Variants in ADAMTSL1 observed in about 807,000 individuals in gnomAD.
ADAMTSL1 encodes the protein ADAMTS-like protein 1.
A neutral mutation model predicts 201.8 loss-of-function variants in ADAMTSL1; 126 were observed. That is an observed-to-expected ratio of 0.62 (90% CI 0.54 to 0.72). The LOEUF (loss-of-function observed/expected upper bound fraction) is 0.72. Ranked by LOEUF, ADAMTSL1 falls within the 30% of genes least tolerant of loss-of-function variation. The probability of loss-of-function intolerance (pLI) is 0.00; values close to 1 mark genes in which losing one functional copy is unlikely to be tolerated. For missense variants in ADAMTSL1, 2,679 were observed against 2,277.8 expected, an observed-to-expected ratio of 1.18 and a Z score of -3.59; for synonymous variants, 1,121 against 903.4, an observed-to-expected ratio of 1.24 and a Z score of -4.32.
chr9:18,693,261 A>G (rs544891800), intron 13 of ADAMTSL1, among the ~76,000 whole-genome samples: 25 of 152,290 alleles, frequency 1.6e-4, no homozygotes, highest in African/African-American at 5.8e-4. Flanking sequence ...TATTCTTCAA[A>G]ATGACATTTT....
intron 3 of ADAMTSL1, among the ~76,000 whole-genome samples, chr9:18,563,387 T>C (rs1006386709): frequency 4.6e-5 from 7 of 152,174 alleles, no homozygotes; most frequent in Non-Finnish European, 8.8e-5. Context: ...TCTGGAAGCT[T>C]CATCCCAGAG....
intron 2 of ADAMTSL1, among the ~76,000 whole-genome samples, chr9:18,456,616 C>G (rs1820616438): frequency 6.6e-6 from 1 of 152,152 alleles, no homozygotes; most frequent in Non-Finnish European, 1.5e-5. Context: ...GCCTGGATTT[C>G]TTTTTATTCG....
intron 1 of ADAMTSL1, among the ~76,000 whole-genome samples, chr9:17,907,283 G>A (rs1563887542): frequency 6.6e-6 from 1 of 152,138 alleles, no homozygotes; most frequent in South Asian, 2.1e-4. Context: ...ACAGTCCTTC[G>A]CGGAGCCCCC....
intron 2 of ADAMTSL1, among the ~76,000 whole-genome samples, chr9:18,521,942 T>G (rs1209286879): frequency 2.0e-5 from 3 of 152,188 alleles, no homozygotes; most frequent in African/African-American, 7.2e-5. Context: ...AACCATCTCT[T>G]ATGCACAGAC....
intron 1 of ADAMTSL1, among the ~76,000 whole-genome samples, chr9:18,503,040 C>G (rs1822922851): frequency 6.6e-6 from 1 of 151,962 alleles, no homozygotes; most frequent in Non-Finnish European, 1.5e-5. Flanking sequence ...GTGAAATGTA[C>G]TAACACAAAA....
chr9:18,830,960 T>A (rs1824939548), intron 23 of ADAMTSL1, among the ~76,000 whole-genome samples: 1 of 152,216 alleles, frequency 6.6e-6, no homozygotes, highest in Non-Finnish European at 1.5e-5. Flanking sequence ...AGCTTCTGTA[T>A]TCTTTTACCC....
chr9:18,511,595 A>G (rs904987971), intron 2 of ADAMTSL1, among the ~76,000 whole-genome samples: 5 of 152,140 alleles, frequency 3.3e-5, no homozygotes, highest in African/African-American at 1.2e-4. Flanking sequence ...GAAAAAGTAA[A>G]ATAAATAGCC....
intron 15 of ADAMTSL1, among the ~76,000 whole-genome samples, chr9:18,747,892 G>A (rs1044156028): frequency 6.6e-6 from 1 of 152,150 alleles, no homozygotes; most frequent in Non-Finnish European, 1.5e-5. Context: ...CAATTAGGAA[G>A]CCAAGCTGAA....
intron 1 of ADAMTSL1, among the ~76,000 whole-genome samples, chr9:18,066,501 T>C (rs145805527): frequency 6.6e-6 from 1 of 152,364 alleles, no homozygotes; most frequent in African/African-American, 2.4e-5. Flanking sequence ...TGTGTACCTA[T>C]ATATACAGAA....
chr9:18,758,441 A>G (rs13290431), intron 16 of ADAMTSL1, among the ~76,000 whole-genome samples: 25,702 of 152,198 alleles, frequency 0.17, 2,509 homozygotes, highest in Non-Finnish European at 0.22. Context: ...TCTGGAGATC[A>G]GAAGTCCCAA....
intron 15 of ADAMTSL1, among the ~76,000 whole-genome samples, chr9:18,739,758 A>G (rs1158802018): frequency 6.6e-6 from 1 of 152,202 alleles, no homozygotes; most frequent in Non-Finnish European, 1.5e-5. Flanking sequence ...GCTGTTCCCC[A>G]TATCCTGTGA....
rs28550083 is a variant in ADAMTSL1, at chr9:18,167,066, T to C, written c.207+3085T>C. On this transcript the variant is annotated intron_variant, in intron 2 of 29. Coordinates refer to the ADAMTSL1 transcript ENST00000680146. The stretch of plus-strand genomic sequence containing the variant: ...CAGCAGTCAACTAAACTTCCAGTGA[T>C]TGCCTGAAATTCTGCATGTATATGA... 1.7e-3 allele frequency among the ~76,000 whole-genome samples: 266 copies of C among 152,068 alleles called. 2 individuals are homozygous for C. The highest frequency in any genetic ancestry group is 6.2e-3 in the African/African-American group (258 of 41,536).
chr9:18,049,741 A>G (rs570794848), intron 1 of ADAMTSL1, among the ~76,000 whole-genome samples: 2 of 151,694 alleles, frequency 1.3e-5, no homozygotes, highest in Non-Finnish European at 2.9e-5. Context: ...CTCCCGCCTC[A>G]GCCTCCCAAG....
chr9:18,315,379 ACTC>A (rs1834343877), intron 2 of ADAMTSL1, among the ~76,000 whole-genome samples: 2 of 150,620 alleles, frequency 1.3e-5, no homozygotes, highest in African/African-American at 4.9e-5. Flanking sequence ...AGGCGCCTGT[ACTC>A]CTCAGTGGCG....
At chr9:18,345,057 A>G (rs1207542001) in intron 2 of ADAMTSL1, among the ~76,000 whole-genome samples, 2 of 152,078 alleles carry the variant, frequency 1.3e-5, no homozygotes, top group Non-Finnish European at 2.9e-5. Flanking sequence ...CTGTCCCTGG[A>G]GATTTGGTCT....
At chr9:18,269,346 C>T (rs2132569203) in intron 2 of ADAMTSL1, among the ~76,000 whole-genome samples, 1 of 152,206 alleles carries the variant, frequency 6.6e-6, no homozygotes, top group Admixed American at 6.5e-5. Flanking sequence ...ACATGTATTA[C>T]ATGAAGGAAT....
chr9:18,069,997 G>A (rs1822886412), intron 1 of ADAMTSL1, among the ~76,000 whole-genome samples: 1 of 152,178 alleles, frequency 6.6e-6, no homozygotes, highest in Admixed American at 6.5e-5. Flanking sequence ...TAGGAATTCA[G>A]GTTTAGACAT....
intron 2 of ADAMTSL1, among the ~76,000 whole-genome samples, chr9:18,181,144 A>T (rs1416704085): frequency 6.6e-6 from 1 of 152,248 alleles, no homozygotes; most frequent in African/African-American, 2.4e-5. Context: ...TTCAAGATGG[A>T]TTAAAGACTT....
chr9:18,129,364 C>T (rs1279912241), intron 1 of ADAMTSL1, among the ~76,000 whole-genome samples: 1 of 152,124 alleles, frequency 6.6e-6, no homozygotes, highest in East Asian at 1.9e-4. Flanking sequence ...AAAATAAGAA[C>T]ATTGCAGCCC....
Sources: gnomAD v4.1 joint callset for allele counts (sites outside exome capture counted in the v4.1 genomes callset) on GRCh38, gnomAD v4.1.1 for gene constraint, MANE v1.5 for transcripts, NCBI Gene and HGNC (gene_info 2026-07-23, HGNC 2026-07-21) for gene names.